Variants in CRACD observed in about 807,000 individuals in gnomAD.
The protein encoded by CRACD is capping protein-inhibiting regulator of actin dynamics.
A neutral mutation model predicts 106.8 loss-of-function variants in CRACD; 56 were observed. The observed-to-expected ratio is 0.52, with a 90% CI of 0.42 to 0.66. The LOEUF is 0.66. Ranked by LOEUF, CRACD falls within the 30% of genes least tolerant of loss-of-function variation. CRACD has a pLI of 0.00. For synonymous variants in CRACD, 754 were observed against 670.8 expected (o/e 1.12, Z -1.92); for missense variants, 1,730 against 1,623.2 (o/e 1.07, Z -1.13).
intron 1 of CRACD, among the ~76,000 whole-genome samples, chr4:56,083,384 T>C (rs973665280): frequency 2.0e-5 from 3 of 152,224 alleles, no homozygotes; most frequent in African/African-American, 7.2e-5. Context: ...CTGCCAAAAG[T>C]GGTTATTTCT....
chr4:56,148,294 AAT>A (rs1438873244), intron 1 of CRACD, among the ~76,000 whole-genome samples: 17 of 151,178 alleles, frequency 1.1e-4, no homozygotes, highest in African/African-American at 4.1e-4. Flanking sequence ...AAAAAAAAAA[AAT>A]TTATTTTTTC....
intron 2 of CRACD, among the ~76,000 whole-genome samples, chr4:56,250,259 TA>T (rs1475820685): frequency 6.6e-6 from 1 of 152,218 alleles, no homozygotes; most frequent in Non-Finnish European, 1.5e-5. Flanking sequence ...ACCCATTCAT[TA>T]ATTTTAAAAA....
rs186138768 is a variant in CRACD, at chr4:56,213,646, G to A, written c.-189+34216G>A. On this transcript the variant is annotated intron_variant, in intron 2 of 10. Coordinates refer to ENST00000682029, the MANE Select transcript of CRACD (RefSeq NM_001393381.1). ...ACATTAGTAAATGGAAATGAGGTGCGGAAACAGCTGGATTGGTTACAGTTT... is the reference window on the plus strand; with the variant it reads ...ACATTAGTAAATGGAAATGAGGTGCAGAAACAGCTGGATTGGTTACAGTTT... Among the ~76,000 whole-genome samples, 9 of 152,256 alleles carry A rather than the reference G, an allele frequency of 5.9e-5. No homozygotes were observed. The East Asian group carries it at 7.7e-4, about 13-fold the overall frequency.
chr4:56,303,812 C>T (rs1744508243), intron 4 of CRACD, among the ~76,000 whole-genome samples: 2 of 152,314 alleles, frequency 1.3e-5, no homozygotes, highest in East Asian at 3.9e-4. Flanking sequence ...TCCCAGATGG[C>T]TGTAGGGCAT....
In CRACD at chr4:56,313,336, C is replaced by CA; in HGVS notation, c.501dup (p.Gln168ThrfsTer17). On this transcript the variant is annotated frameshift_variant, in exon 7 of 11. Coordinates refer to ENST00000682029, the MANE Select transcript of CRACD (RefSeq NM_001393381.1). LOFTEE classifies it high-confidence loss of function. ...GCCAAGCACAAGCTGGCTGTTAAGC[C>CA]AAAAAAACAGAGGGTGTCAAAGAAG... 1.9e-6 allele frequency: 3 copies of CA among 1,613,606 alleles called. No homozygotes were observed. The highest frequency in any genetic ancestry group is 1.7e-6 in the Non-Finnish European group (2 of 1,179,878).
At chr4:56,271,611 AGCCTCTTCAGT>A (rs1432821632) in intron 2 of CRACD, among the ~76,000 whole-genome samples, 1 of 152,190 alleles carries the variant, frequency 6.6e-6, no homozygotes, top group Non-Finnish European at 1.5e-5. Flanking sequence ...TGTTTTTCTC[AGCCTCTTCAGT>A]GGAGAAGGGC....
At chr4:56,321,391 T>A (rs1393796421) in intron 8 of CRACD, 2 of 153,348 alleles carry the variant, frequency 1.3e-5, no homozygotes, top group African/African-American at 2.4e-5. Context: ...ATTATAAATT[T>A]CATTACTAAT....
intron 2 of CRACD, among the ~76,000 whole-genome samples, chr4:56,257,545 A>G (rs1741440705): frequency 7.2e-6 from 1 of 138,264 alleles, no homozygotes; most frequent in African/African-American, 2.7e-5. Context: ...AAAAAAAAAA[A>G]TTAGCTGGGC....
intron 2 of CRACD, among the ~76,000 whole-genome samples, chr4:56,181,383 G>A (rs924977217): frequency 2.0e-5 from 3 of 152,110 alleles, no homozygotes; most frequent in Non-Finnish European, 4.4e-5. Flanking sequence ...GTGAGTGGGA[G>A]GGTTGATCCA....
chr4:56,201,979 G>A (rs1389141196), intron 2 of CRACD, among the ~76,000 whole-genome samples: 1 of 152,172 alleles, frequency 6.6e-6, no homozygotes, highest in Non-Finnish European at 1.5e-5. Flanking sequence ...TCAGCATTAG[G>A]AAAACTCGCT....
chr4:56,167,800 A>G (rs1160526618), intron 1 of CRACD, among the ~76,000 whole-genome samples: 1 of 152,248 alleles, frequency 6.6e-6, no homozygotes, highest in East Asian at 1.9e-4. Flanking sequence ...ACATATGTAT[A>G]CACAGTAATA....
At chr4:56,185,697 G>T (rs1737060975) in intron 2 of CRACD, among the ~76,000 whole-genome samples, 2 of 152,158 alleles carry the variant, frequency 1.3e-5, no homozygotes, top group Admixed American at 1.3e-4. Flanking sequence ...AATCTGCAAG[G>T]ATATGGAGAA....
chr4:56,206,680 G>A (rs1445641097), intron 2 of CRACD, among the ~76,000 whole-genome samples: 4 of 152,036 alleles, frequency 2.6e-5, no homozygotes, highest in East Asian at 1.9e-4. Flanking sequence ...TTTGTCTGTC[G>A]GGGCCTAGTG....
At position 56,310,691 on chromosome 4, in the gene CRACD, GTCC is replaced by G. The variant is rs1745096365; in HGVS notation, c.314_316del (p.Pro105del). Reference sequence around the variant, plus strand: ...TCCAGTGATACGCCAAGTTCTCTAAGTCCTCTGAATCTCCCTGGAGCTGGAAGT... The same window carrying G: ...TCCAGTGATACGCCAAGTTCTCTAAGTCTGAATCTCCCTGGAGCTGGAAGT... On this transcript the variant is annotated inframe_deletion, in exon 6 of 11. Transcript: ENST00000682029. 3 of 1,611,916 alleles carry G rather than the reference GTCC, an allele frequency of 1.9e-6. No individual in the cohort carries two copies. The highest frequency in any genetic ancestry group is 2.5e-6 in the Non-Finnish European group (3 of 1,178,180).
At chr4:56,077,332 C>T (rs913217882) in intron 1 of CRACD, among the ~76,000 whole-genome samples, 5 of 152,158 alleles carry the variant, frequency 3.3e-5, no homozygotes, top group African/African-American at 9.7e-5. Context: ...TGGGGGAAAC[C>T]GATTCAGTTC....
chr4:56,198,332 G>C (rs575219275), intron 2 of CRACD, among the ~76,000 whole-genome samples: 1 of 152,348 alleles, frequency 6.6e-6, no homozygotes, highest in Admixed American at 6.5e-5. Flanking sequence ...GAGGGAATTT[G>C]TGGTATCATA....
chr4:56,314,663 G>C lies in CRACD; in HGVS notation c.1161G>C (p.Glu387Asp). The C allele has an allele frequency of 6.5e-7, 1 of 1,549,364 alleles. No individual in the cohort carries two copies. The highest frequency in any genetic ancestry group is 8.7e-7 in the Non-Finnish European group (1 of 1,146,154). The change falls in exon 8 of 11, where the codon GAG (glutamate) becomes GAC (aspartate). Residue 387 changes from glutamate to aspartate, a missense_variant. This residue lies in a region of CRACD where 1,620 missense variants were observed against 1,481.6 expected (regional missense o/e 1.09). Coordinates refer to ENST00000682029, the MANE Select transcript of CRACD (RefSeq NM_001393381.1). This position sits in a 1 kb window ranked among gnomAD's most constrained non-coding sequence, Gnocchi z 4.4. ...AEVQGPPEALEETGEGRRGAE... is the reference protein window; with the variant it reads ...AEVQGPPEALDETGEGRRGAE... ...TGCAGGGGCCGCCCGAGGCGTTGGA[G>C]GAGACTGGGGAGGGCCGGCGGGGCG... is the stretch of plus-strand genomic sequence containing the variant.
intron 1 of CRACD, among the ~76,000 whole-genome samples, chr4:56,163,287 T>A (rs180857631): frequency 4.3e-4 from 65 of 151,060 alleles, no homozygotes; most frequent in Non-Finnish European, 8.1e-4. Context: ...CAACAGTGAG[T>A]CCCGTCTTCA....
intron 3 of CRACD, among the ~76,000 whole-genome samples, chr4:56,273,449 C>T (rs990388629): frequency 4.6e-5 from 7 of 151,220 alleles, no homozygotes; most frequent in South Asian, 2.1e-4. Flanking sequence ...TTTCTTTCCC[C>T]GCCTCTTAGA....
Sources: allele counts gnomAD v4.1 joint callset (sites outside exome capture counted in the v4.1 genomes callset), GRCh38; gene constraint gnomAD v4.1.1; regional missense constraint gnomAD v4.1.1; non-coding constraint Gnocchi (gnomAD v3.1); transcripts MANE v1.5; gene names NCBI Gene and HGNC (gene_info 2026-07-23, HGNC 2026-07-21).